OSBPL9: variants seen among roughly 807,000 people sequenced by gnomAD.
OSBPL9 encodes oxysterol-binding protein-related protein 9.
A neutral mutation model predicts 106.6 loss-of-function variants in OSBPL9; 40 were observed. The observed-to-expected ratio is 0.38, with a 90% CI of 0.29 to 0.49. The LOEUF (loss-of-function observed/expected upper bound fraction) is 0.49. Among genes scored for constraint, OSBPL9 ranks in the 20% least tolerant of loss-of-function variants. The probability of loss-of-function intolerance (pLI) is 0.97; values close to 1 mark genes in which losing one functional copy is unlikely to be tolerated. For missense variants in OSBPL9, 609 were observed against 887.2 expected, an observed-to-expected ratio of 0.69 and a Z score of 3.98; for synonymous variants, 269 against 295.4, an observed-to-expected ratio of 0.91 and a Z score of 0.92.
intron 1 of OSBPL9, 71 bp downstream of exon 1, chr1:51,617,292 G>A (rs1055805663): frequency 1.9e-5 from 27 of 1,457,108 alleles, no homozygotes; most frequent in Non-Finnish European, 2.1e-5. Flanking sequence ...GGGGACCGGG[G>A]TTTTAGGTGG....
chr1:51,633,139 A>G (rs1301769714), intron 1 of OSBPL9, among the ~76,000 whole-genome samples: 1 of 151,752 alleles, frequency 6.6e-6, no homozygotes, highest in Non-Finnish European at 1.5e-5. Flanking sequence ...TTATATTTTT[A>G]GTAGAGACGT....
intron 1 of OSBPL9, among the ~76,000 whole-genome samples, chr1:51,643,534 G>T (rs1645942378): frequency 6.6e-6 from 1 of 152,152 alleles, no homozygotes; most frequent in South Asian, 2.1e-4. Context: ...AGTGTGGGTG[G>T]GGCCCAGGGA....
chr1:51,617,009 CG>C, upstream of OSBPL9: 1 of 1,515,864 alleles, frequency 6.6e-7, no homozygotes, highest in Non-Finnish European at 8.8e-7. Flanking sequence ...GCCCAGGACC[CG>C]CCCAGGACCC....
chr1:51,761,219 A>C (rs577225664), intron 10 of OSBPL9, among the ~76,000 whole-genome samples: 54 of 150,956 alleles, frequency 3.6e-4, no homozygotes, highest in Non-Finnish European at 6.5e-4. Flanking sequence ...GAAATTTATG[A>C]TGCCTACTGA....
the OSBPL9 span, among the ~76,000 whole-genome samples, chr1:51,546,497 A>C: frequency 2.0e-5 from 3 of 152,072 alleles, no homozygotes; most frequent in African/African-American, 4.8e-5. Context: ...GGAGATCGAG[A>C]CCATCCTGGC....
At chr1:51,561,476 C>T in the OSBPL9 span, 3 of 152,172 alleles carry the variant, frequency 2.0e-5, no homozygotes, top group South Asian at 6.2e-4. Flanking sequence ...TTCAGATTCA[C>T]TGATTCTAGG....
At chr1:51,683,233 T>C (rs966435062) in intron 3 of OSBPL9, among the ~76,000 whole-genome samples, 1 of 151,560 alleles carries the variant, frequency 6.6e-6, no homozygotes, top group African/African-American at 2.4e-5. Flanking sequence ...CAGGCTGGAG[T>C]GCAATGGTGC....
chr1:51,583,096 GA>G (rs957729715), intron 1 of OSBPL9, among the ~76,000 whole-genome samples: 193 of 151,552 alleles, frequency 1.3e-3, no homozygotes, highest in Non-Finnish European at 1.9e-3. Flanking sequence ...TTCAAAAAAA[GA>G]AAAAAATATA....
At chr1:51,701,901 C>T (rs1164300618) in intron 3 of OSBPL9, among the ~76,000 whole-genome samples, 1 of 151,984 alleles carries the variant, frequency 6.6e-6, no homozygotes, top group Non-Finnish European at 1.5e-5. Context: ...TGCGGTGTTT[C>T]GTTTTTTGTC....
chr1:51,537,015 A>G, the OSBPL9 span, among the ~76,000 whole-genome samples: 97 of 152,320 alleles, frequency 6.4e-4, 2 homozygotes, highest in East Asian at 0.016. Flanking sequence ...CTTTTGCCCA[A>G]TGGTTTCAAC....
At chr1:51,574,546 G>C (rs543231330), upstream of OSBPL9, among the ~76,000 whole-genome samples, 1 of 152,296 alleles carries the variant, frequency 6.6e-6, no homozygotes, top group East Asian at 1.9e-4. Context: ...TTGAACCCAG[G>C]AGGCAGAGGT....
At chr1:51,736,136 C>G (rs1329471276) in intron 4 of OSBPL9, among the ~76,000 whole-genome samples, 2 of 152,184 alleles carry the variant, frequency 1.3e-5, no homozygotes, top group East Asian at 3.8e-4. Context: ...AAACCAAACA[C>G]TAGCCCGGTG....
intron 17 of OSBPL9, among the ~76,000 whole-genome samples, chr1:51,783,671 T>C (rs1380214349): frequency 1.3e-5 from 2 of 152,184 alleles, no homozygotes; most frequent in Non-Finnish European, 2.9e-5. Context: ...ATAGCCCTTT[T>C]GGTTTTAAGC....
At chr1:51,613,675 T>C (rs1644004840), upstream of OSBPL9, among the ~76,000 whole-genome samples, 1 of 151,992 alleles carries the variant, frequency 6.6e-6, no homozygotes, top group Non-Finnish European at 1.5e-5. Context: ...GCATGTTTCA[T>C]GTCCTGGTTA....
chr1:51,734,152 G>A (rs765983900), intron 4 of OSBPL9, among the ~76,000 whole-genome samples: 3 of 152,170 alleles, frequency 2.0e-5, no homozygotes, highest in South Asian at 2.1e-4. Flanking sequence ...ATACATGTGC[G>A]CACGCAGGAG....
chr1:51,693,795 A>G (rs1309513464), intron 3 of OSBPL9, among the ~76,000 whole-genome samples: 1 of 152,240 alleles, frequency 6.6e-6, no homozygotes, highest in Non-Finnish European at 1.5e-5. Context: ...AGCATGTCCC[A>G]ACTTGTTCCA....
chr1:51,520,551 T>C, the OSBPL9 span, among the ~76,000 whole-genome samples: 1 of 152,258 alleles, frequency 6.6e-6, no homozygotes, highest in Non-Finnish European at 1.5e-5. Context: ...TAGTTTAGCC[T>C]ACCACAGAGG....
chr1:51,536,548 C>T, the OSBPL9 span, among the ~76,000 whole-genome samples: 1 of 152,044 alleles, frequency 6.6e-6, no homozygotes, highest in Admixed American at 6.6e-5. Context: ...TAATTCTCAG[C>T]CTCAAAGTGA....
intron 1 of OSBPL9, among the ~76,000 whole-genome samples, chr1:51,621,482 G>A (rs577896259): frequency 1.4e-3 from 214 of 150,942 alleles, no homozygotes; most frequent in African/African-American, 5.0e-3. Context: ...CTCCAGCCTG[G>A]GCGACAAAGC....
Sources: allele counts gnomAD v4.1 joint callset (sites outside exome capture counted in the v4.1 genomes callset), GRCh38; gene constraint gnomAD v4.1.1; transcripts MANE v1.5; gene names NCBI Gene and HGNC (gene_info 2026-07-23, HGNC 2026-07-21).